The following GALNT5 variants were observed in gnomAD, a reference collection of about 807,000 sequenced individuals.
The protein encoded by GALNT5 is UDP-GalNAc:polypeptide N-acetylgalactosaminyltransferase 5.
GALNT5 carries 72 observed loss-of-function variants against 85.4 expected under a neutral mutation model. That is an observed-to-expected ratio of 0.84 (90% CI 0.70 to 1.03). The LOEUF (loss-of-function observed/expected upper bound fraction) is 1.03, where lower values mean the gene tolerates loss of function less well. GALNT5 is among the 50% of genes least tolerant of loss of function. The pLI, the probability that GALNT5 is intolerant of heterozygous loss-of-function variation, is 0.00. For missense variants in GALNT5, 1,137 were observed against 1,135.5 expected (o/e 1.00, Z -0.02); for synonymous variants, 404 against 397.0 (o/e 1.02, Z -0.21).
At chr2:157,303,840 A>G (rs186230494) in intron 7 of GALNT5, among the ~76,000 whole-genome samples, 1 of 152,338 alleles carries the variant, frequency 6.6e-6, no homozygotes, top group Non-Finnish European at 1.5e-5. Flanking sequence ...CAAATAGTTA[A>G]ACAGGGGGTT....
chr2:157,294,169 C>A (rs1460267877), intron 3 of GALNT5, among the ~76,000 whole-genome samples: 1 of 152,164 alleles, frequency 6.6e-6, no homozygotes, highest in Non-Finnish European at 1.5e-5. Flanking sequence ...AAATGATAAA[C>A]CAAAATGAAA....
intron 1 of GALNT5, among the ~76,000 whole-genome samples, chr2:157,274,927 T>C (rs533693907): frequency 6.6e-6 from 1 of 152,228 alleles, no homozygotes; most frequent in African/African-American, 2.4e-5. Flanking sequence ...CTGAATGGTA[T>C]TGCCTAGATT....
intron 7 of GALNT5, among the ~76,000 whole-genome samples, chr2:157,304,840 T>C (rs1683419214): frequency 6.6e-6 from 1 of 152,222 alleles, no homozygotes; most frequent in Non-Finnish European, 1.5e-5. Context: ...CTGGCAATTC[T>C]GTGAGCATCC....
intron 6 of GALNT5, among the ~76,000 whole-genome samples, 189 bp from the exon 7 acceptor site, chr2:157,300,487 C>G (rs545191441): frequency 6.6e-6 from 1 of 152,170 alleles, no homozygotes; most frequent in East Asian, 1.9e-4. Context: ...TTTACTAATC[C>G]TAAAATGATC....
rs573478954 is a variant in GALNT5 at position 157,310,875 on chromosome 2, A to C, written c.2683-333A>C. Among the ~76,000 whole-genome samples the C allele has an allele frequency of 5.9e-5, 9 of 152,286 alleles. No individual in the cohort carries two copies. In the East Asian group the frequency reaches 1.7e-3, roughly 29 times the overall value. On this transcript the variant is annotated intron_variant, in intron 9 of 9. Coordinates refer to ENST00000259056, the MANE Select transcript of GALNT5 (RefSeq NM_014568.3). ...ATGTATTCTTTCTTTACCATCAATG[A>C]AGTAGTTATCATCTATCAAATCCAA... is the stretch of plus-strand genomic sequence containing the variant.
intron 8 of GALNT5, among the ~76,000 whole-genome samples, chr2:157,306,669 T>A (rs1382537068): frequency 1.3e-5 from 2 of 152,208 alleles, no homozygotes; most frequent in African/African-American, 4.8e-5. Context: ...CAGAGATTAT[T>A]TTGCAATGGT....
intron 1 of GALNT5, among the ~76,000 whole-genome samples, chr2:157,263,347 C>G (rs1458479667): frequency 6.6e-6 from 1 of 152,168 alleles, no homozygotes; most frequent in Non-Finnish European, 1.5e-5. Context: ...ATTCACTGGT[C>G]CCTTCCCACA....
intron 6 of GALNT5, among the ~76,000 whole-genome samples, chr2:157,299,955 G>A (rs1007368308): frequency 8.5e-5 from 13 of 152,156 alleles, no homozygotes; most frequent in African/African-American, 2.9e-4. Flanking sequence ...AGTCATACGT[G>A]CTACAAAATA....
rs755949114 is a variant in GALNT5, at chr2:157,315,287, A to C, written c.*3939A>C. On this transcript the variant is annotated 3_prime_UTR_variant, in exon 10 of 10. Coordinates refer to ENST00000259056, the MANE Select transcript of GALNT5 (RefSeq NM_014568.3). ...TCTCATTCTCCCTGTTATATGAACAAGAAGGATAACTCCCACATACAGATG... is the reference window on the plus strand; with the variant it reads ...TCTCATTCTCCCTGTTATATGAACACGAAGGATAACTCCCACATACAGATG... Among the ~76,000 whole-genome samples, 23 of 152,228 alleles carry C rather than the reference A, an allele frequency of 1.5e-4. No homozygotes were observed. Among genetic ancestry groups the C allele is most frequent in the Non-Finnish European group, 2.8e-4 (19 of 68,042 alleles).
At chr2:157,279,849 G>A (rs1337264242) in intron 1 of GALNT5, among the ~76,000 whole-genome samples, 1 of 152,202 alleles carries the variant, frequency 6.6e-6, no homozygotes, top group African/African-American at 2.4e-5. Flanking sequence ...CTCTCAATGA[G>A]ATGAACCAGG....
chr2:157,302,370 A>G (rs1683362352), intron 7 of GALNT5: 1 of 152,176 alleles, frequency 6.6e-6, no homozygotes, highest in Admixed American at 6.5e-5. Flanking sequence ...ACAAAATTCA[A>G]CTGATAAATA....
chr2:157,289,040 T>C (rs1683036227), intron 3 of GALNT5, among the ~76,000 whole-genome samples: 1 of 152,206 alleles, frequency 6.6e-6, no homozygotes, highest in South Asian at 2.1e-4. Flanking sequence ...GTTTTGATTT[T>C]GTCCATATAA....
At chr2:157,262,499 G>A (rs1558888304) in intron 1 of GALNT5, among the ~76,000 whole-genome samples, 2 of 148,186 alleles carry the variant, frequency 1.3e-5, no homozygotes, top group Non-Finnish European at 2.9e-5. Context: ...TTACCCAAGG[G>A]TGGTGGTGCA....
At chr2:157,291,616 G>A (rs1293999769) in intron 3 of GALNT5, among the ~76,000 whole-genome samples, 3 of 140,564 alleles carry the variant, frequency 2.1e-5, no homozygotes, top group Non-Finnish European at 1.5e-5. Flanking sequence ...ACATTGAACA[G>A]TTTTATGTTA....
Position 157,312,444 on chromosome 2 carries a change from A to G in GALNT5, c.*1096A>G, listed in dbSNP as rs1683595065. Reference sequence around the variant, plus strand: ...GAAAAAATTCCGCTGGACTTGGCCAAAGAAAGAAGGGGATCTAGTATCTCT... The same window carrying G: ...GAAAAAATTCCGCTGGACTTGGCCAGAGAAAGAAGGGGATCTAGTATCTCT... On this transcript the variant is annotated 3_prime_UTR_variant, in exon 10 of 10. Coordinates refer to ENST00000259056, the MANE Select transcript of GALNT5 (RefSeq NM_014568.3). 1 of 152,066 alleles carries G rather than the reference A, an allele frequency of 6.6e-6. No individual in the cohort carries two copies. Among genetic ancestry groups the G allele is most frequent in the Non-Finnish European group, 1.5e-5 (1 of 67,970 alleles). 9.4% of individuals were successfully genotyped at this position (152,066 alleles called of 1,614,324 possible). A position where few individuals can be genotyped will look rare whatever the true frequency, so the allele number is the denominator to read the frequency against.
chr2:157,300,415 T>G (rs1178229023), intron 6 of GALNT5, among the ~76,000 whole-genome samples: 2 of 152,212 alleles, frequency 1.3e-5, no homozygotes, highest in African/African-American at 4.8e-5. Context: ...TGGGATTCTG[T>G]GAAGATTTAT....
chr2:157,268,807 T>C (rs1240044268), intron 1 of GALNT5, among the ~76,000 whole-genome samples: 1 of 152,062 alleles, frequency 6.6e-6, no homozygotes, highest in African/African-American at 2.4e-5. Context: ...ACAAAGAGAT[T>C]GGATTAATTT....
Position 157,308,729 on chromosome 2 carries a change from G to A in GALNT5, c.2682+1G>A, listed in dbSNP as rs771079710. 45 of 1,606,856 alleles carry A rather than the reference G, an allele frequency of 2.8e-5. No homozygotes were observed. The highest frequency in any genetic ancestry group is 6.9e-5 in the Admixed American group (4 of 58,328). On this transcript the variant is annotated splice_donor_variant, in intron 9 of 9. Transcript: ENST00000259056. LOFTEE classifies it high-confidence loss of function. ...AACATCAGTCTTTCATCCAGAACTG[G>A]TAAGCAAAAGATTGGTACCTCTTCT...
chr2:157,290,205 T>C (rs755833844), intron 3 of GALNT5, among the ~76,000 whole-genome samples: 44 of 151,892 alleles, frequency 2.9e-4, no homozygotes, highest in African/African-American at 6.8e-4. Flanking sequence ...ATTTGACAAA[T>C]TGCTATAAAG....
Sources: allele counts gnomAD v4.1 joint callset (sites outside exome capture counted in the v4.1 genomes callset), GRCh38; gene constraint gnomAD v4.1.1; transcripts MANE v1.5; gene names NCBI Gene and HGNC (gene_info 2026-07-23, HGNC 2026-07-21).